SLC39A11: variants seen among roughly 807,000 people sequenced by gnomAD.
SLC39A11 encodes zinc transporter ZIP11.
Under a neutral mutation model 36.1 loss-of-function variants are expected in SLC39A11, and 33 were observed. The observed-to-expected ratio is 0.91, with a 90% CI of 0.69 to 1.22. The LOEUF is 1.22. Among genes scored for constraint, SLC39A11 ranks in the 50% most tolerant of loss-of-function variants. The pLI is 0.00. For synonymous variants in SLC39A11, 166 were observed against 170.3 expected, an observed-to-expected ratio of 0.97 and a Z score of 0.20; for missense variants, 432 against 430.3, an observed-to-expected ratio of 1.00 and a Z score of -0.03.
intron 4 of SLC39A11, among the ~76,000 whole-genome samples, chr17:72,977,234 G>C (rs988152808): frequency 5.9e-5 from 9 of 151,884 alleles, no homozygotes; most frequent in African/African-American, 2.2e-4. Context: ...CCAAGGAGTG[G>C]AGAGAGGCCC....
At position 72,648,851 on chromosome 17, in the gene SLC39A11, G is replaced by C. The variant is rs764374240; in HGVS notation, c.881C>G (p.Ala294Gly). 6.2e-7 allele frequency: 1 copy of C among 1,614,166 alleles called. No individual in the cohort carries two copies. The highest frequency in any genetic ancestry group is 8.5e-7 in the Non-Finnish European group (1 of 1,180,030). ...LPYALAFAAG[A>G]MVYVVMDDII... ...GTCGTCCATGACCACGTAGACCATG[G>C]CACCGGCAGCAAAGGCCAGAGCGTA... Residue 294 changes from alanine (A) to glycine (G), a missense_variant, in exon 9 of 10, where the codon GCC becomes GGC. By Grantham distance (60) the Ala-to-Gly change is moderately conservative. Transcript: ENST00000255559.
At chr17:72,966,437 T>C (rs370363527) in intron 4 of SLC39A11, among the ~76,000 whole-genome samples, 2 of 152,198 alleles carry the variant, frequency 1.3e-5, no homozygotes, top group South Asian at 2.1e-4. Flanking sequence ...CTGGAAGTGA[T>C]AGTAGTTTCA....
At chr17:72,858,043 C>A (rs183389393) in intron 5 of SLC39A11, among the ~76,000 whole-genome samples, 9 of 152,304 alleles carry the variant, frequency 5.9e-5, no homozygotes, top group Middle Eastern at 6.8e-3. Context: ...ACCATGAAAT[C>A]TTTCCCTGTT....
At chr17:72,782,740 C>A (rs1282416306) in intron 6 of SLC39A11, among the ~76,000 whole-genome samples, 1 of 147,242 alleles carries the variant, frequency 6.8e-6, no homozygotes, top group Non-Finnish European at 1.5e-5. Flanking sequence ...GTGGCTTATG[C>A]CTGTAATCTC....
intron 6 of SLC39A11, chr17:72,817,811 T>C (rs779408912): frequency 6.6e-6 from 1 of 152,216 alleles, no homozygotes; most frequent in Non-Finnish European, 1.5e-5. Context: ...CTCACGCAGC[T>C]AATAAAGACA....
chr17:72,981,514 T>G (rs1482656430), intron 4 of SLC39A11, among the ~76,000 whole-genome samples: 1 of 151,630 alleles, frequency 6.6e-6, no homozygotes, highest in Non-Finnish European at 1.5e-5. Flanking sequence ...ATCTCACTTT[T>G]TATACCAAAA....
At chr17:72,787,805 T>C (rs1431292256) in intron 6 of SLC39A11, among the ~76,000 whole-genome samples, 1 of 152,226 alleles carries the variant, frequency 6.6e-6, no homozygotes, top group Admixed American at 6.5e-5. Context: ...CTCATTCTGA[T>C]ACATTCTGTT....
chr17:72,715,917 G>A (rs1162460386), intron 7 of SLC39A11, among the ~76,000 whole-genome samples: 3 of 151,998 alleles, frequency 2.0e-5, no homozygotes, highest in Admixed American at 1.3e-4. Flanking sequence ...GGCTGGACTC[G>A]AACTCTTGAC....
chr17:72,730,425 CTTCCT>C (rs1292907860), intron 7 of SLC39A11, among the ~76,000 whole-genome samples: 6 of 152,196 alleles, frequency 3.9e-5, no homozygotes, highest in Admixed American at 3.3e-4. Flanking sequence ...TTGTATCTTT[CTTCCT>C]TTCAACTTTA....
chr17:72,794,203 T>G (rs1249174478), intron 6 of SLC39A11, among the ~76,000 whole-genome samples: 1 of 152,076 alleles, frequency 6.6e-6, no homozygotes, highest in African/African-American at 2.4e-5. Context: ...TGCTCTCACC[T>G]AGAAAGGAAA....
At chr17:72,659,648 T>C (rs2070320526) in intron 7 of SLC39A11, among the ~76,000 whole-genome samples, 1 of 141,312 alleles carries the variant, frequency 7.1e-6, no homozygotes, top group South Asian at 2.3e-4. Flanking sequence ...AGTGGCGCGA[T>C]CTTGGGTCAC....
At chr17:73,049,097 A>G (rs2059413660) in intron 3 of SLC39A11, among the ~76,000 whole-genome samples, 1 of 152,234 alleles carries the variant, frequency 6.6e-6, no homozygotes, top group South Asian at 2.1e-4. Flanking sequence ...GTCTGTAGAC[A>G]AAGAACTGTG....
intron 5 of SLC39A11, among the ~76,000 whole-genome samples, chr17:72,864,307 G>T (rs1000097391): frequency 6.7e-6 from 1 of 148,290 alleles, no homozygotes; most frequent in Non-Finnish European, 1.5e-5. Flanking sequence ...TATAAGCATC[G>T]GCTTTTTTTT....
intron 5 of SLC39A11, among the ~76,000 whole-genome samples, chr17:72,935,639 C>T (rs1007220487): frequency 6.6e-6 from 1 of 152,204 alleles, no homozygotes; most frequent in East Asian, 1.9e-4. Context: ...TGCAGTGGCA[C>T]GATCTTGGCT....
chr17:72,777,964 G>T (rs1309009837), intron 6 of SLC39A11, among the ~76,000 whole-genome samples: 2 of 152,102 alleles, frequency 1.3e-5, no homozygotes, highest in African/African-American at 4.8e-5. Flanking sequence ...GAGTGCAGTG[G>T]TGCGATGTCG....
In SLC39A11 at chr17:72,992,576, T is replaced by C. The variant is rs2089248285; in HGVS notation, c.306+38980A>G. The stretch of plus-strand genomic sequence containing the variant: ...ATTCTGGACACCAATATTTCATCAG[T>C]TGTGTGTATTGCAAATATCTTCTCA... On this transcript the variant is annotated intron_variant, in intron 4 of 9. Transcript: ENST00000255559. 2.0e-5 allele frequency among the ~76,000 whole-genome samples: 3 copies of C among 152,330 alleles called. No individual in the cohort carries two copies. The East Asian group carries it at 5.8e-4, about 29-fold the overall frequency.
intron 7 of SLC39A11, among the ~76,000 whole-genome samples, chr17:72,735,187 C>G (rs970748914): frequency 3.9e-5 from 6 of 152,176 alleles, no homozygotes; most frequent in African/African-American, 1.4e-4. Context: ...CTGGAACATT[C>G]CAGCCCATGC....
At chr17:73,043,822 T>C (rs1371302374) in intron 3 of SLC39A11, among the ~76,000 whole-genome samples, 1 of 152,206 alleles carries the variant, frequency 6.6e-6, no homozygotes, top group African/African-American at 2.4e-5. Flanking sequence ...AGCGGCCACA[T>C]GAATTTTGCA....
At chr17:72,885,930 T>C (rs1437745251) in intron 5 of SLC39A11, among the ~76,000 whole-genome samples, 1 of 152,208 alleles carries the variant, frequency 6.6e-6, no homozygotes, top group Non-Finnish European at 1.5e-5. Context: ...TTTGTCGGGG[T>C]CACCACTGGT....
Sources: gnomAD v4.1 joint callset for allele counts (sites outside exome capture counted in the v4.1 genomes callset) on GRCh38, gnomAD v4.1.1 for gene constraint, MANE v1.5 for transcripts, NCBI Gene and HGNC (gene_info 2026-07-23, HGNC 2026-07-21) for gene names.